Variants in OR7E24 observed in about 807,000 individuals in gnomAD.
The protein encoded by OR7E24 is olfactory receptor family 7 subfamily E member 24.
For missense variants in OR7E24, 385 were observed against 410.3 expected (o/e 0.94, Z 0.53); for synonymous variants, 130 against 157.5 (o/e 0.83, Z 1.31).
the OR7E24 span, among the ~76,000 whole-genome samples, chr19:9,215,878 C>T: frequency 5.9e-5 from 9 of 152,136 alleles, no homozygotes; most frequent in Non-Finnish European, 1.2e-4. Context: ...TGTTTTCACT[C>T]TGCTGATAAA....
the OR7E24 span, among the ~76,000 whole-genome samples, chr19:9,225,381 AGGAAGGAAGGAGGGGAAGGAAG>A: frequency 3.6e-5 from 5 of 140,220 alleles, no homozygotes; most frequent in Admixed American, 7.1e-5. Flanking sequence ...GAAAGAAGGA[AGGAAGGAAGGAGGGGAAGGAAG>A]GGAAGGAGGG....
chr19:9,246,090 T>TTTTTTTTTTTTA (rs1568335029), upstream of OR7E24, among the ~76,000 whole-genome samples: 1 of 97,632 alleles, frequency 1.0e-5, no homozygotes, highest in African/African-American at 4.7e-5. Context: ...TTTTTTTTTT[T>TTTTTTTTTTTTA]ATGGAGTCTT....
In OR7E24 at chr19:9,250,940, A is replaced by G. The variant is rs1010416129; in HGVS notation, c.-104A>G. On this transcript the variant is annotated 5_prime_UTR_variant, in exon 1 of 1. Coordinates refer to ENST00000456448, the MANE Select transcript of OR7E24 (RefSeq NM_001079935.2). ...TAACTCTAAGGAAATTGGGTTTGTC[A>G]CAACTGAGAACTATTGCTGAGGGTG... 5.8e-6 allele frequency: 5 copies of G among 861,268 alleles called. No homozygotes were observed. The highest frequency in any genetic ancestry group is 8.9e-6 in the Non-Finnish European group (5 of 563,870). 53.4% of individuals were successfully genotyped at this position (861,268 alleles called of 1,614,324 possible). A position where few individuals can be genotyped will look rare whatever the true frequency, so the allele number is the denominator to read the frequency against.
At chr19:9,246,514 GTTT>G (rs1240496580), upstream of OR7E24, among the ~76,000 whole-genome samples, 4 of 140,702 alleles carry the variant, frequency 2.8e-5, no homozygotes, top group Non-Finnish European at 3.1e-5. Context: ...GTGTGTGTGT[GTTT>G]TCTTCTCCCC....
chr19:9,227,519 T>C, the OR7E24 span, among the ~76,000 whole-genome samples: 1 of 151,700 alleles, frequency 6.6e-6, no homozygotes, highest in African/African-American at 2.4e-5. Context: ...TGAGCCGCCA[T>C]GCCTGCCTGA....
At chr19:9,214,018 C>A in the OR7E24 span, 6 of 1,613,858 alleles carry the variant, frequency 3.7e-6, no homozygotes, top group African/African-American at 8.0e-5. Context: ...ATCACTGAGG[C>A]GGTGGAGCTG....
At chr19:9,235,622 T>C in the OR7E24 span, 1 of 1,575,620 alleles carries the variant, frequency 6.3e-7, no homozygotes, top group South Asian at 1.1e-5. Flanking sequence ...CTGGTTCATA[T>C]TCTACTGATG....
At chr19:9,248,974 C>G (rs2066137870), upstream of OR7E24, among the ~76,000 whole-genome samples, 1 of 152,200 alleles carries the variant, frequency 6.6e-6, no homozygotes, top group Non-Finnish European at 1.5e-5. Context: ...AGGCTCAACA[C>G]TATCATCTGA....
the OR7E24 span, chr19:9,208,624 A>G: frequency 6.6e-6 from 1 of 151,820 alleles, no homozygotes. Context: ...ACCAGCAAAC[A>G]TGAACTCTCC....
At chr19:9,221,339 CCTTT>C in the OR7E24 span, among the ~76,000 whole-genome samples, 1 of 127,226 alleles carries the variant, frequency 7.9e-6, no homozygotes, top group East Asian at 2.3e-4. Context: ...GGTCTTTTGC[CCTTT>C]TTTTTTTTTT....
chr19:9,222,679 TGTTA>T, the OR7E24 span, among the ~76,000 whole-genome samples: 1 of 152,214 alleles, frequency 6.6e-6, no homozygotes, highest in South Asian at 2.1e-4. Context: ...GAGTCTTTTT[TGTTA>T]GTTCTAACAG....
the OR7E24 span, chr19:9,206,572 T>G: frequency 3.3e-5 from 5 of 152,188 alleles, no homozygotes; most frequent in Non-Finnish European, 5.9e-5. Flanking sequence ...AATAGCATCT[T>G]GGAAACTGCA....
chr19:9,212,906 C>T, the OR7E24 span: 1 of 152,182 alleles, frequency 6.6e-6, no homozygotes, highest in African/African-American at 2.4e-5. Flanking sequence ...GTGTGAGCCA[C>T]TGTGCCCCGA....
the OR7E24 span, among the ~76,000 whole-genome samples, chr19:9,225,247 G>A: frequency 6.6e-6 from 1 of 152,076 alleles, no homozygotes; most frequent in South Asian, 2.1e-4. Flanking sequence ...GCACATGCCT[G>A]TAATCCCAGC....
the OR7E24 span, among the ~76,000 whole-genome samples, chr19:9,223,217 G>C: frequency 6.6e-6 from 1 of 152,194 alleles, no homozygotes; most frequent in Admixed American, 6.5e-5. Context: ...CCTCAAGAAA[G>C]AAGGCCCTCT....
chr19:9,234,726 G>C, the OR7E24 span, among the ~76,000 whole-genome samples: 1 of 152,086 alleles, frequency 6.6e-6, no homozygotes, highest in Non-Finnish European at 1.5e-5. Context: ...GAAAACTAAG[G>C]AACTGAGAAT....
At chr19:9,220,257 T>A in the OR7E24 span, among the ~76,000 whole-genome samples, 3 of 152,180 alleles carry the variant, frequency 2.0e-5, no homozygotes, top group African/African-American at 7.2e-5. Context: ...ACTAAAGTCA[T>A]CCTGCTGTAC....
the OR7E24 span, chr19:9,235,114 T>C: frequency 1.3e-6 from 1 of 792,612 alleles, no homozygotes; most frequent in Admixed American, 2.4e-5. Flanking sequence ...TGTTGCTTTT[T>C]CCTCCTTCCC....
chr19:9,208,908 T>G, the OR7E24 span: 1 of 152,226 alleles, frequency 6.6e-6, no homozygotes, highest in African/African-American at 2.4e-5. Context: ...TCCAGGCTGG[T>G]CTCGAACTCC....
Sources: gnomAD v4.1 joint callset for allele counts (sites outside exome capture counted in the v4.1 genomes callset) on GRCh38, gnomAD v4.1.1 for gene constraint, MANE v1.5 for transcripts, NCBI Gene and HGNC (gene_info 2026-07-23, HGNC 2026-07-21) for gene names.